GPRIN3: variants seen among roughly 807,000 people sequenced by gnomAD.
GPRIN3 encodes GPRIN family member 3.
Under a neutral mutation model 13.7 loss-of-function variants are expected in GPRIN3, and 12 were observed. The observed-to-expected ratio is 0.87, with a 90% confidence interval of 0.56 to 1.42. The LOEUF is 1.42. Among genes scored for constraint, GPRIN3 ranks in the 40% most tolerant of loss-of-function variants. GPRIN3 has a pLI of 0.00. For synonymous variants in GPRIN3, 377 were observed against 372.7 expected (o/e 1.01, Z -0.13); for missense variants, 1,009 against 958.7 (o/e 1.05, Z -0.69).
At chr4:89,303,681 G>C (rs1171688636) in intron 1 of GPRIN3, among the ~76,000 whole-genome samples, 1 of 151,366 alleles carries the variant, frequency 6.6e-6, no homozygotes, top group African/African-American at 2.4e-5. Context: ...AGATATAAAA[G>C]ATGTATACGT....
At chr4:89,279,829 C>T (rs1724197465) in intron 1 of GPRIN3, among the ~76,000 whole-genome samples, 1 of 152,096 alleles carries the variant, frequency 6.6e-6, no homozygotes, top group African/African-American at 2.4e-5. Flanking sequence ...TGGCATTTTC[C>T]AGACCTCCTG....
chr4:89,301,463 G>C (rs546715563), intron 1 of GPRIN3, among the ~76,000 whole-genome samples: 8 of 152,118 alleles, frequency 5.3e-5, no homozygotes, highest in African/African-American at 1.9e-4. Flanking sequence ...AACAAGAATT[G>C]AAACAAAAAA....
At chr4:89,291,239 G>C (rs1366973675) in intron 1 of GPRIN3, among the ~76,000 whole-genome samples, 2 of 151,736 alleles carry the variant, frequency 1.3e-5, no homozygotes. Context: ...TTGGTGTACA[G>C]GTCTGAGTTT....
rs927698271 is a variant in GPRIN3 at position 89,236,729 on chromosome 4, C to T, written c.*11051G>A. 1 of 152,082 alleles carries T rather than the reference C, an allele frequency of 6.6e-6. No individual in the cohort carries two copies. Among genetic ancestry groups the T allele is most frequent in the Admixed American group, 6.5e-5 (1 of 15,272 alleles). 9.4% of individuals were successfully genotyped at this position (152,082 alleles called of 1,614,324 possible). On this transcript the variant is annotated 3_prime_UTR_variant, in exon 2 of 2. Transcript: ENST00000609438. Reference sequence around the variant, plus strand: ...GAAGCTGAGATTTGAACCCAGGGTCCTTTGATTCCAAGCCCAGATATTTAC... The same window carrying T: ...GAAGCTGAGATTTGAACCCAGGGTCTTTTGATTCCAAGCCCAGATATTTAC...
Position 89,249,375 on chromosome 4 carries a change from C to T in GPRIN3, c.736G>A (p.Glu246Lys). 6.2e-7 allele frequency: 1 copy of T among 1,614,178 alleles called. No homozygotes were observed. The highest frequency in any genetic ancestry group is 8.5e-7 in the Non-Finnish European group (1 of 1,180,024). Residue 246 changes from glutamate to lysine, a missense_variant, in exon 2 of 2, where the codon GAG becomes AAG. Coordinates refer to ENST00000609438, the MANE Select transcript of GPRIN3 (RefSeq NM_198281.3). ...GCAGTGACAGAGGGCTGCTTGTTCT[C>T]TGAACATCCAGATTCTCTAGTTAGA... is the stretch of plus-strand genomic sequence containing the variant. Reference protein sequence around the residue: ...KPLTRESGCSENKQPSVTASG... With the variant: ...KPLTRESGCSKNKQPSVTASG...
intron 1 of GPRIN3, among the ~76,000 whole-genome samples, chr4:89,253,758 C>T (rs149034850): frequency 6.6e-6 from 1 of 152,174 alleles, no homozygotes; most frequent in Non-Finnish European, 1.5e-5. Context: ...GCCCAAATTG[C>T]TTGGCTAAGA....
At chr4:89,305,952 G>A (rs1268869459) in intron 1 of GPRIN3, among the ~76,000 whole-genome samples, 1 of 152,128 alleles carries the variant, frequency 6.6e-6, no homozygotes, top group Non-Finnish European at 1.5e-5. Flanking sequence ...ATTAGGTGAA[G>A]GCTCACCACA....
chr4:89,305,410 G>A (rs575209698), intron 1 of GPRIN3, among the ~76,000 whole-genome samples: 1 of 152,136 alleles, frequency 6.6e-6, no homozygotes, highest in African/African-American at 2.4e-5. Context: ...ACTATGTCTT[G>A]TTTATTCTTC....
Position 89,250,192 on chromosome 4 carries a change from G to C in GPRIN3, c.-82C>G. 4 of 1,525,142 alleles carry C rather than the reference G, an allele frequency of 2.6e-6. No homozygotes were observed. In the Admixed American group the frequency reaches 6.3e-5, roughly 24 times the overall value. The allele number at this position is 1,525,142 out of a possible 1,614,324, so 94.5% of individuals were successfully genotyped here. A position where few individuals can be genotyped will look rare whatever the true frequency, so the allele number is the denominator to read the frequency against. On this transcript the variant is annotated 5_prime_UTR_variant, in exon 2 of 2. Coordinates refer to ENST00000609438, the MANE Select transcript of GPRIN3 (RefSeq NM_198281.3). ...GGGAGGGGAGCGCAGTCAGAGCTCAGAGTGATGACACAGTCAGGGATGATT... is the reference window on the plus strand; with the variant it reads ...GGGAGGGGAGCGCAGTCAGAGCTCACAGTGATGACACAGTCAGGGATGATT...
At chr4:89,285,285 C>A (rs1724371429) in intron 1 of GPRIN3, among the ~76,000 whole-genome samples, 1 of 151,968 alleles carries the variant, frequency 6.6e-6, no homozygotes, top group South Asian at 2.1e-4. Context: ...CAACATGGCA[C>A]ATGTATACCT....
chr4:89,305,693 C>A (rs1468029801), intron 1 of GPRIN3, among the ~76,000 whole-genome samples: 1 of 152,186 alleles, frequency 6.6e-6, no homozygotes. Flanking sequence ...ATAGCTGGAT[C>A]TAAATATAGT....
chr4:89,271,597 A>AT (rs1321987486), intron 1 of GPRIN3, among the ~76,000 whole-genome samples: 1 of 151,902 alleles, frequency 6.6e-6, no homozygotes, highest in Non-Finnish European at 1.5e-5. Flanking sequence ...TTGTATTGCT[A>AT]TTTTTTATTG....
intron 1 of GPRIN3, among the ~76,000 whole-genome samples, chr4:89,286,423 C>T (rs1428209789): frequency 6.6e-6 from 1 of 152,104 alleles, no homozygotes; most frequent in Non-Finnish European, 1.5e-5. Context: ...TCCCTTTCAG[C>T]CAAGTTTGTC....
chr4:89,277,268 G>A (rs974802785), intron 1 of GPRIN3, among the ~76,000 whole-genome samples: 8 of 152,248 alleles, frequency 5.3e-5, no homozygotes, highest in East Asian at 1.9e-4. Flanking sequence ...GGCTAAATTC[G>A]CGAGAAAACT....
intron 1 of GPRIN3, among the ~76,000 whole-genome samples, chr4:89,287,593 C>CTGGGATGGGGAGATAA (rs1724458003): frequency 6.6e-6 from 1 of 152,068 alleles, no homozygotes; most frequent in Non-Finnish European, 1.5e-5. Context: ...GCAGGAAGAG[C>CTGGGATGGGGAGATAA]TGGGATGGGG....
rs564057489 is a variant in GPRIN3, at chr4:89,257,486, T to G, written c.-123-7253A>C. On this transcript the variant is annotated intron_variant, in intron 1 of 1. Coordinates refer to ENST00000609438, the MANE Select transcript of GPRIN3 (RefSeq NM_198281.3). ...CAGCAAGCACTTATTTCTTGCTTTC[T>G]CTATTGCAGACACTGTTCTGTATGT... Among the ~76,000 whole-genome samples the G allele has an allele frequency of 9.8e-5, 15 of 152,352 alleles. No individual in the cohort carries two copies. In the South Asian group the frequency reaches 3.1e-3, roughly 32 times the overall value.
intron 1 of GPRIN3, chr4:89,250,541 T>C (rs1393674299): frequency 6.4e-6 from 1 of 155,590 alleles, no homozygotes; most frequent in Non-Finnish European, 1.4e-5. Flanking sequence ...CCTCAAAAGT[T>C]ATTGGTGTAA....
rs757654386 is a variant in GPRIN3 at position 89,245,056 on chromosome 4, A to C, written c.*2724T>G. The C allele has an allele frequency of 6.6e-6, 1 of 152,232 alleles. No individual in the cohort carries two copies. The highest frequency in any genetic ancestry group is 1.5e-5 in the Non-Finnish European group (1 of 68,048). 9.4% of individuals were successfully genotyped at this position (152,232 alleles called of 1,614,324 possible). ...AGGTTTCACAAATAAGGTATACTAA[A>C]TGCCTAATGCTATGTCACAGATTGA... On this transcript the variant is annotated 3_prime_UTR_variant, in exon 2 of 2. Coordinates refer to ENST00000609438, the MANE Select transcript of GPRIN3 (RefSeq NM_198281.3).
In GPRIN3 at chr4:89,305,360, C is replaced by A. The variant is rs955796613; in HGVS notation, c.-124+2255G>T. Among the ~76,000 whole-genome samples the A allele has an allele frequency of 2.6e-5, 4 of 152,156 alleles. 1 individual carries two copies. The highest frequency in any genetic ancestry group is 6.5e-5 in the Admixed American group (1 of 15,274). On this transcript the variant is annotated intron_variant, in intron 1 of 1. Coordinates refer to ENST00000609438, the MANE Select transcript of GPRIN3 (RefSeq NM_198281.3). ...GCACCCTGTCAGGGCACTCCACCAGCGGTTGCTGGCAGTGTCCCTCCCAAG... is the reference window on the plus strand; with the variant it reads ...GCACCCTGTCAGGGCACTCCACCAGAGGTTGCTGGCAGTGTCCCTCCCAAG...
Sources: gnomAD v4.1 joint callset for allele counts (sites outside exome capture counted in the v4.1 genomes callset) on GRCh38, gnomAD v4.1.1 for gene constraint, MANE v1.5 for transcripts, NCBI Gene and HGNC (gene_info 2026-07-23, HGNC 2026-07-21) for gene names.